Variants in DOCK6 observed in about 807,000 individuals in gnomAD.
DOCK6 encodes the protein dedicator of cytokinesis 6.
A neutral mutation model predicts 230.3 loss-of-function variants in DOCK6; 167 were observed. The observed-to-expected ratio is 0.73, with a 90% CI of 0.64 to 0.82. The LOEUF (loss-of-function observed/expected upper bound fraction) is 0.82. Among genes scored for constraint, DOCK6 ranks in the 40% least tolerant of loss-of-function variants. The pLI is 0.00. For missense variants in DOCK6, 2,598 were observed against 2,825.8 expected, an observed-to-expected ratio of 0.92 and a Z score of 1.83; for synonymous variants, 1,148 against 1,185.0, an observed-to-expected ratio of 0.97 and a Z score of 0.64.
Position 11,262,484 on chromosome 19 carries a change from C to A in DOCK6, c.-44G>T, listed in dbSNP as rs1381368575. On this transcript the variant is annotated 5_prime_UTR_variant, in exon 1 of 48. Coordinates refer to ENST00000294618, the MANE Select transcript of DOCK6 (RefSeq NM_020812.4). Reference sequence around the variant, plus strand: ...CCGCCGCCCCGGGCCCCGGCCCCGCCGCCGCCGCCGCCTCCCGGTTCTGGG... The same window carrying A: ...CCGCCGCCCCGGGCCCCGGCCCCGCAGCCGCCGCCGCCTCCCGGTTCTGGG... 5 of 1,075,556 alleles carry A rather than the reference C, an allele frequency of 4.6e-6. No homozygotes were observed. The highest frequency in any genetic ancestry group is 5.6e-6 in the Non-Finnish European group (5 of 889,260). The allele number at this position is 1,075,556 out of a possible 1,614,324, so 66.6% of individuals were successfully genotyped here. A position where few individuals can be genotyped will look rare whatever the true frequency, so the allele number is the denominator to read the frequency against.
Position 11,214,379 on chromosome 19 carries a change from C to T in DOCK6, c.4234G>A (p.Val1412Ile), listed in dbSNP as rs376187648. ...TVMLSEARES[V>I]LGAVLKVVLY... ...ACAACCTTCAGCACTGCCCCCAAGA[C>T]GCTCTCCCGGGCTTCTGAAAGCATC... is the stretch of plus-strand genomic sequence containing the variant. The change falls in exon 34 of 48, where the codon GTC (valine) becomes ATC (isoleucine). Residue 1412 changes from valine (V) to isoleucine (I), a missense_variant. Physicochemically the swap from Val to Ile is conservative, Grantham distance 29. Transcript: ENST00000294618. 1.2e-4 allele frequency: 189 copies of T among 1,613,586 alleles called. No homozygotes were observed. The highest frequency in any genetic ancestry group is 1.5e-4 in the Non-Finnish European group (176 of 1,179,780).
intron 28 of DOCK6, among the ~76,000 whole-genome samples, chr19:11,218,394 G>A (rs185065376): frequency 6.4e-4 from 98 of 152,260 alleles, no homozygotes; most frequent in Admixed American, 5.8e-3. Context: ...TGATCTGCCC[G>A]CCTCGGCCTC....
Position 11,200,703 on chromosome 19 carries a change from G to A in DOCK6, c.5939+13C>T, listed in dbSNP as rs890094657. 6.2e-6 allele frequency: 10 copies of A among 1,607,006 alleles called. No individual in the cohort carries two copies. Among genetic ancestry groups the A allele is most frequent in the Admixed American group, 5.1e-5 (3 of 59,190 alleles). The stretch of plus-strand genomic sequence containing the variant: ...GCAGACACGAGACCCCTCCTGGGGG[G>A]TTTTGCGCCTACTTCTTGCAGAAGT... On this transcript the variant is annotated intron_variant, in intron 46 of 47. Coordinates refer to ENST00000294618, the MANE Select transcript of DOCK6 (RefSeq NM_020812.4). The surrounding 1 kb of genome is among the most constrained non-coding windows in gnomAD (Gnocchi z 4.3).
In DOCK6 at chr19:11,217,090, G is replaced by A. The variant is rs753969509; in HGVS notation, c.3718C>T (p.Arg1240Cys). 12 of 1,611,270 alleles carry A rather than the reference G, an allele frequency of 7.4e-6. No homozygotes were observed. Among genetic ancestry groups the A allele is most frequent in the African/African-American group, 5.3e-5 (4 of 74,852 alleles). Residue 1240 changes from arginine (R) to cysteine (C), a missense_variant, in exon 30 of 48, where the codon CGC becomes TGC. Arg to Cys is a radical substitution (Grantham distance 180). Transcript: ENST00000294618. ...TCAGCAGAGAGGGCACAGCCTGCGCGAGAAGCCTGGGGCCAGAGAGGAATC... is the reference window on the plus strand; with the variant it reads ...TCAGCAGAGAGGGCACAGCCTGCGCAAGAAGCCTGGGGCCAGAGAGGAATC... ...SISQGPPTAS[R>C]AGCALSAESS... is the part of the protein sequence containing the mutation.
intron 23 of DOCK6, 69 bp downstream of exon 23, chr19:11,228,871 C>A: frequency 6.6e-7 from 1 of 1,512,190 alleles, no homozygotes; most frequent in Middle Eastern, 1.7e-4. Flanking sequence ...CAGGGGGCTT[C>A]TCTCTTTAAA....
chr19:11,229,356 TAGG>T lies in DOCK6; in HGVS notation c.2719-324_2719-322del, dbSNP rs755030297. ...TGGGGCCGAGGAGGAACCCTCGAGG[TAGG>T]AGGAGGCTCGGCTAGAGTTGCAGTC... On this transcript the variant is annotated intron_variant, in intron 22 of 47. Coordinates refer to ENST00000294618, the MANE Select transcript of DOCK6 (RefSeq NM_020812.4). 3.6e-6 allele frequency: 4 copies of T among 1,119,244 alleles called. No individual in the cohort carries two copies. In the African/African-American group the frequency reaches 4.9e-5, roughly 14 times the overall value. The allele number at this position is 1,119,244 out of a possible 1,614,324, so 69.3% of individuals were successfully genotyped here. A position where few individuals can be genotyped will look rare whatever the true frequency, so the allele number is the denominator to read the frequency against.
chr19:11,200,047 G>A lies in DOCK6; in HGVS notation c.6101+261C>T, dbSNP rs1318344248. Among the ~76,000 whole-genome samples the A allele has an allele frequency of 6.6e-6, 1 of 151,960 alleles. No homozygotes were observed. The highest frequency in any genetic ancestry group is 1.5e-5 in the Non-Finnish European group (1 of 68,008). ...TGCCTGTAATCCCAGTTACTCAGGA[G>A]GCTGAGGCAGGAGACTCGCTTGAAT... On this transcript the variant is annotated intron_variant, in intron 47 of 47. Coordinates refer to ENST00000294618, the MANE Select transcript of DOCK6 (RefSeq NM_020812.4). This position sits in a 1 kb window ranked among gnomAD's most constrained non-coding sequence, Gnocchi z 4.3.
chr19:11,202,398 T>C lies in DOCK6; in HGVS notation c.5447A>G (p.Gln1816Arg), dbSNP rs754841659. The change falls in exon 43 of 48, where the codon CAA (glutamine) becomes CGA (arginine). Residue 1816 changes from glutamine (Q) to arginine (R), a missense_variant. Physicochemically the swap from Gln to Arg is conservative, Grantham distance 43 (BLOSUM62 1). Coordinates refer to ENST00000294618, the MANE Select transcript of DOCK6 (RefSeq NM_020812.4). This position sits in a 1 kb window ranked among gnomAD's most constrained non-coding sequence, Gnocchi z 5.3. ...GGAAATGGTTGGGGGACCCACCTTT[T>C]GTGAGTCAAGCTTGGACTTGTCCAC... is the stretch of plus-strand genomic sequence containing the variant. The part of the protein sequence containing the change: ...NPVDKSKLDS[Q>R]KAYIQITYVE... 2 of 1,613,756 alleles carry C rather than the reference T, an allele frequency of 1.2e-6. No homozygotes were observed. The highest frequency in any genetic ancestry group is 1.7e-6 in the Non-Finnish European group (2 of 1,179,796).
rs375848153 is a variant in DOCK6 at position 11,243,515 on chromosome 19, C to T, written c.1258+42G>A. 2.6e-5 allele frequency: 40 copies of T among 1,560,254 alleles called. No homozygotes were observed. The highest frequency in any genetic ancestry group is 1.1e-4 in the Admixed American group (6 of 52,690). On this transcript the variant is annotated intron_variant, in intron 11 of 47. Transcript: ENST00000294618. The surrounding 1 kb of genome is among the most constrained non-coding windows in gnomAD (Gnocchi z 6.3). The stretch of plus-strand genomic sequence containing the variant: ...CCCCGCCCCAGGCCTGTCAGCACCA[C>T]CCTTTAGCCCCGCCCCAAGCCTGTT...
chr19:11,248,279 A>G (rs1041210190), intron 6 of DOCK6, 128 bp from the exon 7 acceptor site: 4 of 676,152 alleles, frequency 5.9e-6, no homozygotes, highest in Non-Finnish European at 9.9e-6. Flanking sequence ...CCTGCCTCTG[A>G]GCCTTTACAC....
At position 11,213,186 on chromosome 19, in the gene DOCK6, T is replaced by C. The variant is rs2079421464; in HGVS notation, c.4481A>G (p.Glu1494Gly). The change falls in exon 35 of 48, where the codon GAG (glutamate) becomes GGG (glycine). Residue 1494 changes from glutamate (E) to glycine (G), a missense_variant. Glu to Gly is a moderately conservative substitution (Grantham distance 98). Transcript: ENST00000294618. ...CTAGCCCCCACTCACGTGGCCGATCTCGAAGTTCTGTCGCATGAGCAGGTA... is the reference window on the plus strand; with the variant it reads ...CTAGCCCCCACTCACGTGGCCGATCCCGAAGTTCTGTCGCATGAGCAGGTA... ...SLYLLMRQNF[E>G]IGHNFARVKM... 6.2e-7 allele frequency: 1 copy of C among 1,612,094 alleles called. No homozygotes were observed. Among genetic ancestry groups the C allele is most frequent in the Non-Finnish European group, 8.5e-7 (1 of 1,179,040 alleles).
intron 3 of DOCK6, 109 bp downstream of exon 3, chr19:11,252,674 A>G: frequency 1.3e-6 from 2 of 1,597,044 alleles, no homozygotes; most frequent in East Asian, 4.5e-5. Context: ...GAGAAAAAGC[A>G]TGGCTTGTCC....
At chr19:11,239,622 C>A in intron 14 of DOCK6, 1 of 1,613,608 alleles carries the variant, frequency 6.2e-7, no homozygotes, top group Non-Finnish European at 8.5e-7. Flanking sequence ...TGTGGCTATA[C>A]CTTAGACCCT....
chr19:11,262,306 T>C (rs1298684811), intron 1 of DOCK6, 91 bp downstream of exon 1: 10 of 763,528 alleles, frequency 1.3e-5, no homozygotes, highest in African/African-American at 7.6e-5. Context: ...AGGGGTTGAA[T>C]TGGGGGCGCC....
rs915313518 is a variant in DOCK6 at position 11,237,699 on chromosome 19, TAGA to T, written c.1910_1912del (p.Phe637del). 2.5e-6 allele frequency: 4 copies of T among 1,592,166 alleles called. No individual in the cohort carries two copies. The African/African-American group carries it at 4.0e-5, about 16-fold the overall frequency. ...CGGCCGGGGCTGGCAGCTGACATGG[TAGA>T]AGGTGAACAGCAGGTGATGGTTCTC... On this transcript the variant is annotated inframe_deletion, in exon 17 of 48. Transcript: ENST00000294618.
intron 1 of DOCK6, among the ~76,000 whole-genome samples, chr19:11,259,881 C>CTGTTTTTTTT (rs2080258323): frequency 1.5e-5 from 1 of 67,780 alleles, no homozygotes; most frequent in African/African-American, 6.0e-5. Flanking sequence ...CGCGCCCGGC[C>CTGTTTTTTTT]TTTTTTTTTT....
chr19:11,221,954 G>A lies in DOCK6; in HGVS notation c.3447C>T (p.Asp1149=), dbSNP rs2079586216. 6.2e-7 allele frequency: 1 copy of A among 1,613,884 alleles called. No homozygotes were observed. Among genetic ancestry groups the A allele is most frequent in the Non-Finnish European group, 8.5e-7 (1 of 1,179,902 alleles). Residue 1149 remains aspartate, a synonymous_variant, in exon 28 of 48, where the codon GAC becomes GAT. Coordinates refer to ENST00000294618, the MANE Select transcript of DOCK6 (RefSeq NM_020812.4). ...TCACAGTGGCCTCGGCGTAGCGGGGGTCAGTGTCATGGCCACATAGCAGGC... is the reference window on the plus strand; with the variant it reads ...TCACAGTGGCCTCGGCGTAGCGGGGATCAGTGTCATGGCCACATAGCAGGC... ...VHSLLCGHDT[D]PRYAEATVKA... is the part of the protein sequence containing the mutation.
In DOCK6 at chr19:11,250,606, G is replaced by A. The variant is rs114524233; in HGVS notation, c.720+268C>T. ...ATTACGGGCATGAGCCACCATGCCC[G>A]GCCTAGAAGCTATTAAATAAGCATA... On this transcript the variant is annotated intron_variant, in intron 6 of 47. Transcript: ENST00000294618. Among the ~76,000 whole-genome samples, 1,502 of 152,104 alleles carry A rather than the reference G, an allele frequency of 9.9e-3. 30 individuals are homozygous for A. The highest frequency in any genetic ancestry group is 0.034 in the African/African-American group (1,418 of 41,472).
intron 30 of DOCK6, 92 bp from the exon 31 acceptor site, chr19:11,216,019 ACCT>A (rs2079480767): frequency 6.6e-7 from 1 of 1,507,238 alleles, no homozygotes; most frequent in African/African-American, 1.4e-5. Flanking sequence ...GCTCTTTCTC[ACCT>A]CCGGGCCCCT....
Sources: gnomAD v4.1 joint callset for allele counts (sites outside exome capture counted in the v4.1 genomes callset) on GRCh38, gnomAD v4.1.1 for gene constraint, Gnocchi (gnomAD v3.1) non-coding constraint, MANE v1.5 for transcripts, NCBI Gene and HGNC (gene_info 2026-07-23, HGNC 2026-07-21) for gene names.